CEP57: variants seen among roughly 807,000 people sequenced by gnomAD.
CEP57 encodes centrosomal protein of 57 kDa.
A neutral mutation model predicts 68.0 loss-of-function variants in CEP57; 40 were observed. The ratio of observed to expected loss-of-function variants is 0.59; its 90% CI spans 0.46 to 0.77. The LOEUF is 0.77. Among genes scored for constraint, CEP57 ranks in the 30% least tolerant of loss-of-function variants. CEP57 has a pLI of 0.00. For missense variants in CEP57, 606 were observed against 580.7 expected (o/e 1.04, Z -0.45); for synonymous variants, 219 against 198.7 (o/e 1.10, Z -0.86).
At chr11:95,798,525 T>G (rs1280047092) in intron 1 of CEP57, among the ~76,000 whole-genome samples, 1 of 152,198 alleles carries the variant, frequency 6.6e-6, no homozygotes, top group African/African-American at 2.4e-5. Context: ...ATCTTCCACC[T>G]TAGCCCTCAG....
At position 95,821,872 on chromosome 11, in the gene CEP57, T is replaced by G. The variant is rs750192070; in HGVS notation, c.701T>G (p.Leu234Trp). 1.2e-5 allele frequency: 19 copies of G among 1,604,054 alleles called. 1 individual carries two copies. The highest frequency in any genetic ancestry group is 9.9e-5 in the South Asian group (9 of 90,868). The change falls in exon 7 of 11, where the codon TTG becomes TGG. Residue 234 changes from leucine to tryptophan, a missense_variant and splice_region_variant. Coordinates refer to ENST00000325542, the MANE Select transcript of CEP57 (RefSeq NM_014679.5). Reference protein sequence around the residue: ...RKRMQAKAAELQTGLETNRLI... With the variant: ...RKRMQAKAAEWQTGLETNRLI... ...ACTTGAGGCTCTCATTTTTCCTAGT[T>G]GCAGACTGGTCTAGAAACAAATAGA...
chr11:95,832,651 T>C lies in CEP57; in HGVS notation c.*1395T>C, dbSNP rs1413185475. The C allele has an allele frequency of 6.6e-6, 1 of 152,172 alleles. No homozygotes were observed. Among genetic ancestry groups the C allele is most frequent in the Non-Finnish European group, 1.5e-5 (1 of 68,024 alleles). The allele number at this position is 152,172 out of a possible 1,614,324, so 9.4% of individuals were successfully genotyped here. ...CTATTAAAAACTCCTGTTATCTCCT[T>C]GTTTGAATTTCAGGTCATTAAATTG... is the stretch of plus-strand genomic sequence containing the variant. On this transcript the variant is annotated 3_prime_UTR_variant, in exon 11 of 11. Coordinates refer to ENST00000325542, the MANE Select transcript of CEP57 (RefSeq NM_014679.5).
chr11:95,829,441 A>G (rs1427683314), intron 10 of CEP57, 110 bp downstream of exon 10: 14 of 1,139,378 alleles, frequency 1.2e-5, no homozygotes, highest in Non-Finnish European at 1.8e-5. Flanking sequence ...TATCTACAGG[A>G]GATACTTCTT....
rs773865251 is a variant in CEP57 at position 95,829,362 on chromosome 11, A to G, written c.1272+31A>G. 4.4e-6 allele frequency: 7 copies of G among 1,590,206 alleles called. No individual in the cohort carries two copies. In the African/African-American group the frequency reaches 8.1e-5, roughly 18 times the overall value. ...TCAGTTTTCCTTCACTCAAGTTTCTAATGATTAAGAAAAAAAAAACACTTT... is the reference window on the plus strand; with the variant it reads ...TCAGTTTTCCTTCACTCAAGTTTCTGATGATTAAGAAAAAAAAAACACTTT... On this transcript the variant is annotated intron_variant, in intron 10 of 10. Transcript: ENST00000325542.
chr11:95,812,729 C>T (rs548093431), intron 2 of CEP57, among the ~76,000 whole-genome samples: 42 of 152,212 alleles, frequency 2.8e-4, no homozygotes, highest in East Asian at 5.8e-4. Flanking sequence ...TGTGAGCCAC[C>T]GCACCCGGCC....
intron 1 of CEP57, among the ~76,000 whole-genome samples, chr11:95,794,916 C>A (rs531889196): frequency 6.6e-6 from 1 of 152,278 alleles, no homozygotes; most frequent in Admixed American, 6.5e-5. Context: ...CCCCACACTA[C>A]TTGTTGAAAA....
intron 2 of CEP57, among the ~76,000 whole-genome samples, chr11:95,805,312 T>G (rs1861751123): frequency 6.6e-6 from 1 of 152,230 alleles, no homozygotes; most frequent in Non-Finnish European, 1.5e-5. Context: ...CCTTTATTAT[T>G]AATCTTATAT....
intron 3 of CEP57, among the ~76,000 whole-genome samples, 157 bp downstream of exon 3, chr11:95,813,268 T>C (rs757611831): frequency 2.6e-5 from 4 of 152,246 alleles, no homozygotes; most frequent in Admixed American, 6.5e-5. Context: ...AATGCTGTTG[T>C]CATACATGGC....
intron 4 of CEP57, chr11:95,815,065 G>A (rs1254162604): frequency 1.3e-5 from 2 of 152,186 alleles, no homozygotes; most frequent in Non-Finnish European, 2.9e-5. Flanking sequence ...TGTATGTTTA[G>A]TACAGATTCA....
At chr11:95,824,805 T>C (rs1862669526) in intron 8 of CEP57, among the ~76,000 whole-genome samples, 1 of 152,206 alleles carries the variant, frequency 6.6e-6, no homozygotes, top group Non-Finnish European at 1.5e-5. Flanking sequence ...ACTGCCCTTA[T>C]CTATAAAGCT....
In CEP57 at chr11:95,827,964, G is replaced by C. The variant is rs370459541; in HGVS notation, c.1064G>C (p.Gly355Ala). 8.7e-6 allele frequency: 14 copies of C among 1,613,844 alleles called. No homozygotes were observed. In the African/African-American group the frequency reaches 1.7e-4, roughly 20 times the overall value. ...KLSVTPPSSN[G>A]INEELSEVLQ... ...TCAGTAACACCTCCCTCCTCCAACGGTATTAATGAGGAGTTGTCAGAAGTC... is the reference window on the plus strand; with the variant it reads ...TCAGTAACACCTCCCTCCTCCAACGCTATTAATGAGGAGTTGTCAGAAGTC... The change falls in exon 9 of 11, where the codon GGT becomes GCT. Residue 355 changes from glycine to alanine, a missense_variant. Physicochemically the swap from Gly to Ala is moderately conservative, Grantham distance 60. Transcript: ENST00000325542.
chr11:95,821,551 A>C (rs959407852), intron 6 of CEP57, among the ~76,000 whole-genome samples: 4 of 152,132 alleles, frequency 2.6e-5, no homozygotes, highest in African/African-American at 9.7e-5. Flanking sequence ...ATATTTAAGC[A>C]ATGGTTTGGG....
At chr11:95,814,487 A>G (rs1014091544) in intron 4 of CEP57, among the ~76,000 whole-genome samples, 2 of 151,654 alleles carry the variant, frequency 1.3e-5, no homozygotes, top group African/African-American at 4.8e-5. Context: ...CAGCCTCCCA[A>G]GTAGCTGGGA....
chr11:95,831,023 T>C lies in CEP57; in HGVS notation c.1273-3T>C. Reference sequence around the variant, plus strand: ...TCCTTCCTGCCTTGGTTATTTGGTATAGCTGGAGAAACAGAAGTTAGAGAA... The same window carrying C: ...TCCTTCCTGCCTTGGTTATTTGGTACAGCTGGAGAAACAGAAGTTAGAGAA... On this transcript the variant is annotated splice_region_variant and splice_polypyrimidine_tract_variant and intron_variant, in intron 10 of 10. Coordinates refer to ENST00000325542, the MANE Select transcript of CEP57 (RefSeq NM_014679.5). 1 of 1,600,738 alleles carries C rather than the reference T, an allele frequency of 6.2e-7. No homozygotes were observed. Among genetic ancestry groups the C allele is most frequent in the Non-Finnish European group, 8.6e-7 (1 of 1,168,096 alleles).
rs1464837266 is a variant in CEP57, at chr11:95,831,216, A to G, written c.1463A>G (p.Gln488Arg). 3.1e-6 allele frequency: 5 copies of G among 1,613,454 alleles called. No individual in the cohort carries two copies. Among genetic ancestry groups the G allele is most frequent in the Middle Eastern group, 1.6e-4 (1 of 6,078 alleles). Residue 488 changes from glutamine (Q) to arginine (R), a missense_variant, in exon 11 of 11, where the codon CAG becomes CGG. Gln to Arg is a conservative substitution (Grantham distance 43). Coordinates refer to ENST00000325542, the MANE Select transcript of CEP57 (RefSeq NM_014679.5). ...TTATTGAAGGACATGCAAAGCATACAGAATTCATTACAAAGCAGTAGTTTG... is the reference window on the plus strand; with the variant it reads ...TTATTGAAGGACATGCAAAGCATACGGAATTCATTACAAAGCAGTAGTTTG... ...LQLLKDMQSI[Q>R]NSLQSSSLCW...
intron 1 of CEP57, chr11:95,794,298 A>C (rs1484671348): frequency 2.2e-6 from 1 of 455,918 alleles, no homozygotes; most frequent in East Asian, 6.9e-5. Context: ...TATCATTTTC[A>C]AGAAAGAAGA....
At chr11:95,813,243 G>C in intron 3 of CEP57, 132 bp downstream of exon 3, 1 of 1,054,248 alleles carries the variant, frequency 9.5e-7, no homozygotes, top group Non-Finnish European at 1.4e-6. Flanking sequence ...GTATTCTGGT[G>C]CATTTTGAGG....
At chr11:95,818,052 G>T in intron 5 of CEP57, 149 bp downstream of exon 5, 2 of 619,588 alleles carry the variant, frequency 3.2e-6, no homozygotes, top group South Asian at 3.8e-5. Context: ...ATATAAATTT[G>T]GAGAGAATGT....
intron 2 of CEP57, among the ~76,000 whole-genome samples, chr11:95,802,148 G>A (rs911556666): frequency 2.6e-5 from 4 of 151,862 alleles, no homozygotes; most frequent in African/African-American, 9.7e-5. Context: ...CCTCTCAGAG[G>A]AAAAACGAAA....
Sources: allele counts gnomAD v4.1 joint callset (sites outside exome capture counted in the v4.1 genomes callset), GRCh38; gene constraint gnomAD v4.1.1; transcripts MANE v1.5; gene names NCBI Gene and HGNC (gene_info 2026-07-23, HGNC 2026-07-21).